NUBPL: variants seen among roughly 807,000 people sequenced by gnomAD.
The protein encoded by NUBPL is NUBP iron-sulfur cluster assembly factor, mitochondrial.
NUBPL carries 31 observed loss-of-function variants against 45.7 expected under a neutral mutation model. The ratio of observed to expected loss-of-function variants is 0.68; its 90% CI spans 0.51 to 0.92. NUBPL has a LOEUF of 0.92. NUBPL is among the 40% of genes least tolerant of loss of function. NUBPL has a pLI of 0.00. For missense variants in NUBPL, 401 were observed against 398.7 expected (o/e 1.01, Z -0.05); for synonymous variants, 144 against 140.9 (o/e 1.02, Z -0.15).
intron 3 of NUBPL, among the ~76,000 whole-genome samples, chr14:31,576,221 G>C (rs1190818526): frequency 5.9e-5 from 9 of 152,072 alleles, no homozygotes; most frequent in Non-Finnish European, 1.0e-4. Flanking sequence ...GCTCTGATTG[G>C]CATGGGGGAT....
At chr14:31,757,899 C>T (rs1482648976) in intron 6 of NUBPL, among the ~76,000 whole-genome samples, 1 of 151,990 alleles carries the variant, frequency 6.6e-6, no homozygotes, top group East Asian at 1.9e-4. Context: ...ATTTTCTTCC[C>T]TTTTTTTCAG....
At chr14:31,733,272 T>C (rs2378944) in intron 6 of NUBPL, among the ~76,000 whole-genome samples, 69,368 of 151,990 alleles carry the variant, frequency 0.46, 16,967 homozygotes, top group African/African-American at 0.65. Context: ...TACTACGTGT[T>C]CTTGATTGCT....
intron 8 of NUBPL, among the ~76,000 whole-genome samples, chr14:31,842,178 G>T (rs943146813): frequency 5.3e-5 from 8 of 151,664 alleles, no homozygotes; most frequent in African/African-American, 1.9e-4. Flanking sequence ...CGCCCGTCTT[G>T]GCCTCCCAAA....
chr14:31,640,484 G>A (rs1334308562), intron 4 of NUBPL, among the ~76,000 whole-genome samples: 2 of 151,768 alleles, frequency 1.3e-5, no homozygotes, highest in Admixed American at 6.6e-5. Flanking sequence ...GCATGGTGGT[G>A]AATACCTGTA....
intron 7 of NUBPL, among the ~76,000 whole-genome samples, chr14:31,793,059 A>G (rs914855933): frequency 6.6e-6 from 1 of 152,138 alleles, no homozygotes; most frequent in African/African-American, 2.4e-5. Flanking sequence ...CATTGACTTT[A>G]GAACTCTTTT....
intron 6 of NUBPL, among the ~76,000 whole-genome samples, chr14:31,689,801 A>G (rs770025454): frequency 6.6e-6 from 1 of 152,182 alleles, no homozygotes. Context: ...TGGGTTTTAC[A>G]TTTAAGTCTT....
At chr14:31,767,747 G>T (rs1364535313) in intron 6 of NUBPL, among the ~76,000 whole-genome samples, 1 of 152,106 alleles carries the variant, frequency 6.6e-6, no homozygotes, top group Non-Finnish European at 1.5e-5. Flanking sequence ...AAAGCAGGCA[G>T]TTTGATCATT....
intron 4 of NUBPL, among the ~76,000 whole-genome samples, chr14:31,610,608 CAAAAA>C (rs775656176): frequency 1.2e-4 from 11 of 94,708 alleles, no homozygotes; most frequent in African/African-American, 4.8e-4. Context: ...AAAGATACAT[CAAAAA>C]AAAAAAAAAA....
chr14:31,589,834 G>A (rs1027496990), intron 3 of NUBPL, among the ~76,000 whole-genome samples: 1 of 152,162 alleles, frequency 6.6e-6, no homozygotes, highest in Non-Finnish European at 1.5e-5. Context: ...AATATTGTTA[G>A]CAATAGCTCT....
chr14:31,692,393 T>A (rs1390522732), intron 6 of NUBPL, among the ~76,000 whole-genome samples: 3 of 152,216 alleles, frequency 2.0e-5, no homozygotes, highest in Admixed American at 1.3e-4. Flanking sequence ...AAACCAACTT[T>A]AGTTATTAGA....
At chr14:31,652,996 C>T (rs565014170) in intron 4 of NUBPL, among the ~76,000 whole-genome samples, 31 of 152,164 alleles carry the variant, frequency 2.0e-4, no homozygotes, top group Admixed American at 5.2e-4. Flanking sequence ...CCACCTGAGC[C>T]GCAAAACCAG....
chr14:31,668,649 C>A (rs1393360989), intron 4 of NUBPL, among the ~76,000 whole-genome samples: 1 of 152,114 alleles, frequency 6.6e-6, no homozygotes, highest in Non-Finnish European at 1.5e-5. Flanking sequence ...AAGCAGCTGC[C>A]CAGTTTTGTG....
chr14:31,597,339 TATGTAA>T (rs2034310975), intron 3 of NUBPL, among the ~76,000 whole-genome samples: 1 of 152,176 alleles, frequency 6.6e-6, no homozygotes, highest in Non-Finnish European at 1.5e-5. Context: ...CATCTAGGCA[TATGTAA>T]AATCTACTCT....
In NUBPL at chr14:31,638,204, C is replaced by G. The variant is rs1047806260; in HGVS notation, c.383-35151C>G. ...AGTCTCGATGGTCTTTACATTTTGG[C>G]ATGATTTTGCAGCAGCTAGTACCGG... On this transcript the variant is annotated intron_variant, in intron 4 of 10. Coordinates refer to ENST00000281081, the MANE Select transcript of NUBPL (RefSeq NM_025152.3). 2.9e-4 allele frequency among the ~76,000 whole-genome samples: 44 copies of G among 151,980 alleles called. 1 individual carries two copies. The highest frequency in any genetic ancestry group is 1.0e-4 in the Non-Finnish European group (7 of 68,012).
chr14:31,830,608 G>A (rs970318865), intron 8 of NUBPL, among the ~76,000 whole-genome samples: 7 of 152,160 alleles, frequency 4.6e-5, no homozygotes, highest in African/African-American at 1.4e-4. Flanking sequence ...TAATACTCCT[G>A]TCTCAGATCT....
At chr14:31,789,908 T>G (rs1414760783) in intron 7 of NUBPL, among the ~76,000 whole-genome samples, 1 of 151,928 alleles carries the variant, frequency 6.6e-6, no homozygotes, top group African/African-American at 2.4e-5. Flanking sequence ...ATTTTTCTTT[T>G]TTTTTTTTGT....
chr14:31,759,203 A>T (rs2038743173), intron 6 of NUBPL, among the ~76,000 whole-genome samples: 1 of 152,070 alleles, frequency 6.6e-6, no homozygotes, highest in African/African-American at 2.4e-5. Context: ...ATTCTTTTTT[A>T]AATTTCTTTG....
chr14:31,771,434 A>G (rs945835911), intron 6 of NUBPL, among the ~76,000 whole-genome samples: 4 of 152,168 alleles, frequency 2.6e-5, no homozygotes, highest in African/African-American at 9.7e-5. Context: ...TATCTATTTT[A>G]TCCTACACTG....
In NUBPL at chr14:31,688,652, G is replaced by GTTTTT. The variant is rs552419842; in HGVS notation, c.513+15080_513+15081insTTTTT. ...AGGCTATCTGCCTGAACAGGTTTTT[G>GTTTTT]TTGTTGTTTTTTTTTTTTTTTAACT... On this transcript the variant is annotated intron_variant, in intron 6 of 10. Coordinates refer to ENST00000281081, the MANE Select transcript of NUBPL (RefSeq NM_025152.3). Among the ~76,000 whole-genome samples the GTTTTT allele has an allele frequency of 5.6e-3, 553 of 98,978 alleles. 13 individuals are homozygous for GTTTTT. Among genetic ancestry groups the GTTTTT allele is most frequent in the African/African-American group, 0.021 (516 of 24,678 alleles). The allele number at this position is 98,978 out of a possible 152,430, so 64.9% of individuals were successfully genotyped here.
Sources: allele counts gnomAD v4.1 joint callset (sites outside exome capture counted in the v4.1 genomes callset), GRCh38; gene constraint gnomAD v4.1.1; transcripts MANE v1.5; gene names NCBI Gene and HGNC (gene_info 2026-07-23, HGNC 2026-07-21).